Variants in ELMOD1 observed in about 807,000 individuals in gnomAD.
The protein encoded by ELMOD1 is ELMO domain containing 1.
In ELMOD1, 21 loss-of-function variants were observed where a neutral mutation model predicts 46.7. The ratio of observed to expected loss-of-function variants is 0.45; its 90% CI spans 0.32 to 0.65. The LOEUF (loss-of-function observed/expected upper bound fraction) is 0.65, where lower values mean the gene tolerates loss of function less well. ELMOD1 is among the 30% of genes least tolerant of loss of function. The pLI is 0.04. For synonymous variants in ELMOD1, 122 were observed against 138.2 expected (o/e 0.88, Z 0.82); for missense variants, 348 against 407.8 (o/e 0.85, Z 1.26).
chr11:107,662,620 A>C (rs1014695039), intron 11 of ELMOD1, among the ~76,000 whole-genome samples: 14 of 144,496 alleles, frequency 9.7e-5, no homozygotes, highest in African/African-American at 3.4e-4. Flanking sequence ...CAAAAAAAAA[A>C]CAACAAAAAA....
chr11:107,594,881 A>G (rs1049632894), intron 1 of ELMOD1, among the ~76,000 whole-genome samples: 1 of 151,956 alleles, frequency 6.6e-6, no homozygotes, highest in Non-Finnish European at 1.5e-5. Flanking sequence ...TGTGAAAATG[A>G]CTCTATGCTT....
intron 1 of ELMOD1, among the ~76,000 whole-genome samples, chr11:107,606,110 T>TA (rs767961510): frequency 1.3e-5 from 2 of 152,252 alleles, no homozygotes; most frequent in Non-Finnish European, 2.9e-5. Context: ...AGTAGAGTCT[T>TA]ACTGAATTAT....
chr11:107,593,553 C>T (rs1238855420), intron 1 of ELMOD1, among the ~76,000 whole-genome samples: 4 of 152,152 alleles, frequency 2.6e-5, no homozygotes, highest in African/African-American at 9.7e-5. Flanking sequence ...GAGAAGTTTG[C>T]GGAGCTTGCA....
intron 1 of ELMOD1, among the ~76,000 whole-genome samples, chr11:107,602,893 T>G (rs140402739): frequency 6.6e-6 from 1 of 152,128 alleles, no homozygotes; most frequent in African/African-American, 2.4e-5. Context: ...AGTAGTCCAG[T>G]TGGGGGCTAA....
chr11:107,618,965 C>G (rs1219702912), intron 2 of ELMOD1, among the ~76,000 whole-genome samples: 1 of 152,186 alleles, frequency 6.6e-6, no homozygotes. Flanking sequence ...TCCAGAAGAT[C>G]GGGCTTCTTT....
chr11:107,652,118 G>T (rs985608596), intron 9 of ELMOD1, among the ~76,000 whole-genome samples: 4 of 152,238 alleles, frequency 2.6e-5, no homozygotes, highest in Non-Finnish European at 2.9e-5. Context: ...GATGGTAAAT[G>T]TCATTGGATA....
intron 6 of ELMOD1, chr11:107,642,881 C>T (rs778881639): frequency 3.4e-6 from 1 of 294,684 alleles, no homozygotes; most frequent in Non-Finnish European, 6.9e-6. Flanking sequence ...CTTTGTGATT[C>T]CCCTTCATGC....
intron 5 of ELMOD1, among the ~76,000 whole-genome samples, chr11:107,633,644 G>T (rs1029213018): frequency 6.6e-6 from 1 of 152,082 alleles, no homozygotes. Context: ...TGTTGGCCAG[G>T]CTGGTCTCAA....
At chr11:107,607,834 C>A (rs931714453) in intron 1 of ELMOD1, among the ~76,000 whole-genome samples, 7 of 152,002 alleles carry the variant, frequency 4.6e-5, no homozygotes. Context: ...TCTTTTCTTT[C>A]TTCTTTCACC....
chr11:107,654,156 T>G lies in ELMOD1; in HGVS notation c.648-16T>G. 2 of 1,569,578 alleles carry G rather than the reference T, an allele frequency of 1.3e-6. No individual in the cohort carries two copies. The highest frequency in any genetic ancestry group is 1.7e-6 in the Non-Finnish European group (2 of 1,155,792). ...GGTTAAATCTGACTTACTTACTTAT[T>G]CATTCATCCATTCAGCAAATTCAGC... On this transcript the variant is annotated splice_polypyrimidine_tract_variant and intron_variant, in intron 9 of 11. Coordinates refer to ENST00000265840, the MANE Select transcript of ELMOD1 (RefSeq NM_018712.4).
chr11:107,638,882 C>T (rs570724232), intron 6 of ELMOD1, among the ~76,000 whole-genome samples: 12 of 152,196 alleles, frequency 7.9e-5, no homozygotes, highest in Non-Finnish European at 1.2e-4. Context: ...CACAGTGGCT[C>T]ACACCTGTAA....
chr11:107,662,072 G>A (rs1407121009), intron 11 of ELMOD1, among the ~76,000 whole-genome samples: 2 of 152,216 alleles, frequency 1.3e-5, no homozygotes, highest in Admixed American at 6.5e-5. Context: ...CTTGAGTTGG[G>A]GAAGGATTGA....
At chr11:107,660,797 TC>T (rs1866726093) in intron 11 of ELMOD1, among the ~76,000 whole-genome samples, 1 of 152,218 alleles carries the variant, frequency 6.6e-6, no homozygotes, top group Admixed American at 6.5e-5. Context: ...TTTCTCCCTC[TC>T]CTTTCCATGC....
intron 1 of ELMOD1, among the ~76,000 whole-genome samples, chr11:107,615,376 C>T (rs1016804176): frequency 3.3e-5 from 5 of 151,514 alleles, no homozygotes; most frequent in African/African-American, 1.2e-4. Context: ...GCTGGGATTA[C>T]AGGCACGCGC....
At position 107,655,922 on chromosome 11, in the gene ELMOD1, A is replaced by G. The variant is rs758380641; in HGVS notation, c.699-11A>G. 4.2e-5 allele frequency: 67 copies of G among 1,604,526 alleles called. No individual in the cohort carries two copies. In the Middle Eastern group the frequency reaches 5.0e-4, roughly 12 times the overall value. ...TGACACACAGTTGGTTTTGTGGTTTATACTTTATAGGTACTCATTTGCAAT... is the reference window on the plus strand; with the variant it reads ...TGACACACAGTTGGTTTTGTGGTTTGTACTTTATAGGTACTCATTTGCAAT... On this transcript the variant is annotated splice_polypyrimidine_tract_variant and intron_variant, in intron 10 of 11. Coordinates refer to ENST00000265840, the MANE Select transcript of ELMOD1 (RefSeq NM_018712.4).
intron 1 of ELMOD1, among the ~76,000 whole-genome samples, chr11:107,593,753 C>G (rs1865445546): frequency 6.6e-6 from 1 of 152,120 alleles, no homozygotes; most frequent in African/African-American, 2.4e-5. Flanking sequence ...ACTTATACTA[C>G]AAAATATTAT....
At chr11:107,629,953 G>A (rs1368635228) in intron 2 of ELMOD1, among the ~76,000 whole-genome samples, 1 of 152,100 alleles carries the variant, frequency 6.6e-6, no homozygotes, top group African/African-American at 2.4e-5. Flanking sequence ...CAAACAGTGG[G>A]ATTGGTCGAG....
chr11:107,637,706 C>CAA (rs57052335), intron 6 of ELMOD1, among the ~76,000 whole-genome samples: 24 of 145,436 alleles, frequency 1.7e-4, no homozygotes, highest in African/African-American at 4.1e-4. Flanking sequence ...ACAAACAAAC[C>CAA]AAAAAAAAAA....
At chr11:107,607,165 G>C (rs954771662) in intron 1 of ELMOD1, among the ~76,000 whole-genome samples, 3 of 152,192 alleles carry the variant, frequency 2.0e-5, no homozygotes, top group African/African-American at 7.2e-5. Context: ...ATCTCCACTT[G>C]ATGGGCTGAT....
Sources: allele counts gnomAD v4.1 joint callset (sites outside exome capture counted in the v4.1 genomes callset), GRCh38; gene constraint gnomAD v4.1.1; transcripts MANE v1.5; gene names NCBI Gene and HGNC (gene_info 2026-07-23, HGNC 2026-07-21).